Variants in CPT1A observed in about 807,000 individuals in gnomAD.
CPT1A encodes carnitine palmitoyltransferase 1A, also known as carnitine O-palmitoyltransferase 1, liver isoform.
CPT1A carries 64 observed loss-of-function variants against 100.8 expected under a neutral mutation model. The ratio of observed to expected loss-of-function variants is 0.63; its 90% CI spans 0.52 to 0.78. CPT1A has a LOEUF of 0.78. Among genes scored for constraint, CPT1A ranks in the 30% least tolerant of loss-of-function variants. The pLI is 0.00. For synonymous variants in CPT1A, 363 were observed against 396.0 expected (o/e 0.92, Z 0.99); for missense variants, 802 against 1,034.1 (o/e 0.78, Z 3.08).
At chr11:68,838,391 A>G (rs1328283353) in intron 1 of CPT1A, among the ~76,000 whole-genome samples, 1 of 151,860 alleles carries the variant, frequency 6.6e-6, no homozygotes, top group African/African-American at 2.4e-5. Flanking sequence ...TAAAAGTTGA[A>G]ATTTACACAA....
chr11:68,805,109 G>T (rs1009766539), intron 4 of CPT1A, among the ~76,000 whole-genome samples: 1 of 152,176 alleles, frequency 6.6e-6, no homozygotes, highest in Non-Finnish European at 1.5e-5. Flanking sequence ...TGCTTCTCTA[G>T]AAATCAGAAA....
chr11:68,787,862 T>G (rs1435035560), intron 9 of CPT1A, among the ~76,000 whole-genome samples: 1 of 149,820 alleles, frequency 6.7e-6, no homozygotes, highest in African/African-American at 2.5e-5. Context: ...GAGAATCACT[T>G]GAACCCAGGA....
intron 1 of CPT1A, among the ~76,000 whole-genome samples, chr11:68,824,378 A>C (rs1288407975): frequency 6.6e-6 from 1 of 152,120 alleles, no homozygotes; most frequent in Non-Finnish European, 1.5e-5. Context: ...CTTCCCTTTC[A>C]TGGAGGGCAC....
At chr11:68,818,013 C>T (rs892566494) in intron 1 of CPT1A, among the ~76,000 whole-genome samples, 2 of 151,980 alleles carry the variant, frequency 1.3e-5, no homozygotes, top group Non-Finnish European at 2.9e-5. Context: ...CATCCAAGGG[C>T]CCAGAGAAAG....
At position 68,815,356 on chromosome 11, in the gene CPT1A, T is replaced by C. The variant is rs772981466; in HGVS notation, c.119A>G (p.Lys40Arg). 7 of 1,614,054 alleles carry C rather than the reference T, an allele frequency of 4.3e-6. No homozygotes were observed. Among genetic ancestry groups the C allele is most frequent in the Non-Finnish European group, 5.9e-6 (7 of 1,180,022 alleles). Residue 40 changes from lysine to arginine, a missense_variant, in exon 2 of 19, where the codon AAA becomes AGA. This residue lies in a region of CPT1A where 161 missense variants were observed against 183.7 expected (regional missense o/e 0.88). Transcript: ENST00000265641. Reference sequence around the variant, plus strand: ...AACCTTGAATCTGATGAACTTCTTTTTCCAGGAATGAAGTCCAGAGAGATA... The same window carrying C: ...AACCTTGAATCTGATGAACTTCTTTCTCCAGGAATGAAGTCCAGAGAGATA... ...QIYLSGLHSW[K>R]KKFIRFKNGI... is the part of the protein sequence containing the mutation.
intron 7 of CPT1A, among the ~76,000 whole-genome samples, chr11:68,795,956 G>GA (rs1306970646): frequency 1.3e-5 from 2 of 151,462 alleles, no homozygotes; most frequent in African/African-American, 4.9e-5. Context: ...ATAAACGAGG[G>GA]AAAAAAATAA....
intron 11 of CPT1A, among the ~76,000 whole-genome samples, chr11:68,781,481 G>A (rs191892923): frequency 6.6e-6 from 1 of 152,082 alleles, no homozygotes; most frequent in Admixed American, 6.6e-5. Flanking sequence ...TTAGCCAGGC[G>A]TGGTGGCACA....
chr11:68,798,412 G>A (rs1245550953), intron 6 of CPT1A, among the ~76,000 whole-genome samples: 1 of 152,164 alleles, frequency 6.6e-6, no homozygotes, highest in African/African-American at 2.4e-5. Context: ...CACGTCTAGC[G>A]CCACCTGCTG....
Position 68,781,798 on chromosome 11 carries a change from G to T in CPT1A, c.1325C>A (p.Ser442Tyr), listed in dbSNP as rs2153997915. ...PDTSMDSYAK[S>Y]LLHGRCYDRW... ...GTCGTAACATCGGCCGTGTAGTAGA[G>T]ATTTGGCGTAGCTGTCCATTGACGT... The change falls in exon 11 of 19, where the codon TCT (serine) becomes TAT (tyrosine). Residue 442 changes from serine (S) to tyrosine (Y), a missense_variant. By Grantham distance (144) the Ser-to-Tyr change is moderately radical. This residue lies in a region of CPT1A where 627 missense variants were observed against 799.3 expected (regional missense o/e 0.78). Transcript: ENST00000265641. The T allele has an allele frequency of 1.2e-6, 2 of 1,614,146 alleles. No individual in the cohort carries two copies. Among genetic ancestry groups the T allele is most frequent in the Non-Finnish European group, 1.7e-6 (2 of 1,180,024 alleles).
At chr11:68,843,287 G>A (rs1313889023), upstream of CPT1A, among the ~76,000 whole-genome samples, 1 of 152,096 alleles carries the variant, frequency 6.6e-6, no homozygotes, top group East Asian at 1.9e-4. This position sits in a 1 kb window ranked among gnomAD's most constrained non-coding sequence, Gnocchi z 4.0. Context: ...GCCTTCCCAA[G>A]GCTGCATAAG....
chr11:68,798,102 C>T (rs1018958430), intron 6 of CPT1A, among the ~76,000 whole-genome samples: 22 of 152,346 alleles, frequency 1.4e-4, no homozygotes, highest in Admixed American at 1.2e-3. Flanking sequence ...CCTGGTGTTC[C>T]GCAGGTGTTG....
Position 68,841,857 on chromosome 11 carries a change from A to C in CPT1A, c.-96T>G. ...GTGGAGTGAACGAGCGGCGAGCGGG[A>C]GCCGGGGAAGGAGGGCCGCGGGCGA... is the stretch of plus-strand genomic sequence containing the variant. On this transcript the variant is annotated 5_prime_UTR_variant, in exon 1 of 19. Coordinates refer to ENST00000265641, the MANE Select transcript of CPT1A (RefSeq NM_001876.4). The surrounding 1 kb of genome is among the most constrained non-coding windows in gnomAD (Gnocchi z 6.3). The C allele has an allele frequency of 1.0e-6, 1 of 993,268 alleles. No homozygotes were observed. 61.5% of individuals were successfully genotyped at this position (993,268 alleles called of 1,614,324 possible).
chr11:68,773,236 C>T (rs766938955), intron 14 of CPT1A, 29 bp downstream of exon 14: 1 of 1,612,826 alleles, frequency 6.2e-7, no homozygotes, highest in Admixed American at 1.7e-5. Context: ...AAAGTGCTCA[C>T]GACAAAACCC....
intron 9 of CPT1A, among the ~76,000 whole-genome samples, chr11:68,791,379 C>T (rs1419818638): frequency 1.3e-5 from 2 of 152,184 alleles, no homozygotes; most frequent in Non-Finnish European, 2.9e-5. Context: ...ACTTCACTTT[C>T]CTCCACCTCG....
rs371123694 is a variant in CPT1A, at chr11:68,799,183, A to ACGCT, written c.693+34_693+35insAGCG. On this transcript the variant is annotated intron_variant, in intron 6 of 18. Transcript: ENST00000265641. Reference sequence around the variant, plus strand: ...CAAAATTAGCGTCTTCATACGGAAAAATTTCATCAAGAAAAACTGTGTATA... The same window carrying ACGCT: ...CAAAATTAGCGTCTTCATACGGAAAACGCTATTTCATCAAGAAAAACTGTGTATA... The ACGCT allele has an allele frequency of 0.87, 1,383,318 of 1,585,998 alleles. 604,221 individuals are homozygous for ACGCT. Among genetic ancestry groups the ACGCT allele is most frequent in the South Asian group, 0.9 (81,067 of 90,486 alleles).
intron 14 of CPT1A, among the ~76,000 whole-genome samples, chr11:68,769,178 C>T (rs1854911835): frequency 6.6e-6 from 1 of 152,162 alleles, no homozygotes. Context: ...CAAATGCTCC[C>T]TCCATTACAC....
chr11:68,774,769 G>A (rs1390808155), intron 13 of CPT1A, among the ~76,000 whole-genome samples: 4 of 138,690 alleles, frequency 2.9e-5, no homozygotes, highest in African/African-American at 5.4e-5. Flanking sequence ...GTGACAGTGC[G>A]AGACTACATC....
intron 4 of CPT1A, among the ~76,000 whole-genome samples, chr11:68,806,551 C>T (rs974209111): frequency 6.6e-6 from 1 of 150,842 alleles, no homozygotes; most frequent in Non-Finnish European, 1.5e-5. Context: ...TCACTTGAGC[C>T]TAGGAAGTCG....
rs371587257 is a variant in CPT1A, at chr11:68,807,631, T to C, written c.289A>G (p.Met97Val). ...ACCACGTTCTTCGTCTGGCTGGACA[T>C]GCAGTTGCTGTGGAGACAGACCCAG... ...INRTLETANC[M>V]SSQTKNVVSG... The change falls in exon 4 of 19, where the codon ATG (methionine) becomes GTG (valine). Residue 97 changes from methionine (M) to valine (V), a missense_variant. Physicochemically the swap from Met to Val is conservative, Grantham distance 21. Coordinates refer to ENST00000265641, the MANE Select transcript of CPT1A (RefSeq NM_001876.4). 6.2e-7 allele frequency: 1 copy of C among 1,614,020 alleles called. No individual in the cohort carries two copies. Among genetic ancestry groups the C allele is most frequent in the Non-Finnish European group, 8.5e-7 (1 of 1,180,036 alleles).
Sources: gnomAD v4.1 joint callset for allele counts (sites outside exome capture counted in the v4.1 genomes callset) on GRCh38, gnomAD v4.1.1 for gene constraint, gnomAD v4.1.1 regional missense constraint, Gnocchi (gnomAD v3.1) non-coding constraint, MANE v1.5 for transcripts, NCBI Gene and HGNC (gene_info 2026-07-23, HGNC 2026-07-21) for gene names.